The following MX1 variants were observed in gnomAD, a reference collection of about 807,000 sequenced individuals.
The protein encoded by MX1 is MX dynamin like GTPase 1, also known as interferon-induced GTP-binding protein Mx1.
A neutral mutation model predicts 66.4 loss-of-function variants in MX1; 66 were observed. The observed-to-expected ratio is 0.99, with a 90% CI of 0.82 to 1.22. MX1 has a LOEUF of 1.22. Among genes scored for constraint, MX1 ranks in the 50% most tolerant of loss-of-function variants. The probability of loss-of-function intolerance (pLI) is 0.00; values close to 1 mark genes in which losing one functional copy is unlikely to be tolerated. For synonymous variants in MX1, 311 were observed against 318.1 expected (o/e 0.98, Z 0.24); for missense variants, 787 against 834.3 (o/e 0.94, Z 0.70).
At chr21:41,424,823 G>A (rs2090031374), upstream of MX1, among the ~76,000 whole-genome samples, 2 of 152,228 alleles carry the variant, frequency 1.3e-5, 1 homozygote, top group South Asian at 4.1e-4. Context: ...GCCCAAAATG[G>A]CTGCCAACCC....
intron 13 of MX1, among the ~76,000 whole-genome samples, chr21:41,447,039 G>GTA (rs2090683139): frequency 1.3e-5 from 2 of 151,730 alleles, no homozygotes; most frequent in Non-Finnish European, 2.9e-5. Flanking sequence ...TGTGTGTAGC[G>GTA]GTTGGCTTTG....
At chr21:41,425,524 G>C (rs895758545), upstream of MX1, among the ~76,000 whole-genome samples, 1 of 152,224 alleles carries the variant, frequency 6.6e-6, no homozygotes, top group Non-Finnish European at 1.5e-5. Context: ...ATGTATACCT[G>C]CAAGTCACAG....
At chr21:41,440,418 G>A (rs1296814961) in intron 8 of MX1, among the ~76,000 whole-genome samples, 5 of 152,312 alleles carry the variant, frequency 3.3e-5, no homozygotes, top group East Asian at 3.9e-4. Flanking sequence ...CAGGGAGGCT[G>A]TGATGAGCCG....
intron 5 of MX1, 135 bp from the exon 6 acceptor site, chr21:41,435,702 C>G (rs555686900): frequency 2.6e-4 from 251 of 979,722 alleles, no homozygotes; most frequent in Non-Finnish European, 3.7e-4. Flanking sequence ...TTACCTCCAC[C>G]TGGTCTCTCC....
intron 15 of MX1, among the ~76,000 whole-genome samples, chr21:41,451,634 G>T (rs1386968974): frequency 6.6e-6 from 1 of 152,030 alleles, no homozygotes; most frequent in African/African-American, 2.4e-5. Context: ...AGGAGTTTGA[G>T]ACCAGCCTGG....
chr21:41,433,102 T>C (rs1235755789), intron 5 of MX1, among the ~76,000 whole-genome samples: 2 of 152,214 alleles, frequency 1.3e-5, no homozygotes, highest in African/African-American at 4.8e-5. Context: ...ACAGAGTGTG[T>C]CTCGTGATCT....
intron 16 of MX1, among the ~76,000 whole-genome samples, chr21:41,455,190 G>A (rs899051181): frequency 1.1e-4 from 16 of 152,118 alleles, no homozygotes; most frequent in African/African-American, 2.7e-4. Context: ...GATTACAGGC[G>A]TGAGCCACCA....
In MX1 at chr21:41,451,444, A is replaced by C. The variant is rs530894002; in HGVS notation, c.1509+201A>C. Among the ~76,000 whole-genome samples, 33 of 152,340 alleles carry C rather than the reference A, an allele frequency of 2.2e-4. No homozygotes were observed. The South Asian group carries it at 6.8e-3, about 32-fold the overall frequency. ...AATAAAGGAGGGAGTGCTTAAACGC[A>C]CAGAACAAGAGATCCACAGTTAGCG... On this transcript the variant is annotated intron_variant, in intron 15 of 16. Coordinates refer to ENST00000398598, the MANE Select transcript of MX1 (RefSeq NM_002462.5).
chr21:41,424,348 G>A (rs1337032166), upstream of MX1, among the ~76,000 whole-genome samples: 1 of 152,098 alleles, frequency 6.6e-6, no homozygotes, highest in African/African-American at 2.4e-5. Flanking sequence ...GGATGGGGTT[G>A]CCCAGCCCTA....
At position 41,451,400 on chromosome 21, in the gene MX1, G is replaced by A. The variant is rs558521300; in HGVS notation, c.1509+157G>A. 6.9e-4 allele frequency among the ~76,000 whole-genome samples: 105 copies of A among 152,296 alleles called. 1 individual carries two copies. The highest frequency in any genetic ancestry group is 2.5e-3 in the African/African-American group (102 of 41,564). ...ACTAGTGCTTCTTCTGATGTTACCG[G>A]TGATGTCTGGTTAAAAGCAATAAAG... On this transcript the variant is annotated intron_variant, in intron 15 of 16. Coordinates refer to ENST00000398598, the MANE Select transcript of MX1 (RefSeq NM_002462.5).
In MX1 at chr21:41,448,134, A is replaced by G. The variant is rs528696705; in HGVS notation, c.1274-1003A>G. Among the ~76,000 whole-genome samples, 43 of 152,354 alleles carry G rather than the reference A, an allele frequency of 2.8e-4. No individual in the cohort carries two copies. In the Middle Eastern group the frequency reaches 0.01, roughly 36 times the overall value. On this transcript the variant is annotated intron_variant, in intron 13 of 16. Transcript: ENST00000398598. ...TTCCTGACTAAAAAAAGTGTTCTAG[A>G]TTACCACTCAAAAAGGAACTCAAAC...
At chr21:41,452,944 GCT>G in intron 16 of MX1, 75 bp downstream of exon 16, 1 of 1,561,834 alleles carries the variant, frequency 6.4e-7, no homozygotes, top group East Asian at 2.2e-5. Context: ...CTTTAGTCTT[GCT>G]CTCTCTGTAG....
At chr21:41,448,926 GGTTTTGT>G (rs1355860109) in intron 13 of MX1, among the ~76,000 whole-genome samples, 47 of 142,944 alleles carry the variant, frequency 3.3e-4, no homozygotes, top group East Asian at 1.9e-3. Context: ...CTTCAGATCT[GGTTTTGT>G]GTGTGTGTGT....
At chr21:41,436,813 G>A (rs1006292099) in intron 6 of MX1, among the ~76,000 whole-genome samples, 5 of 152,154 alleles carry the variant, frequency 3.3e-5, no homozygotes, top group Non-Finnish European at 5.9e-5. Context: ...AACTCACCTG[G>A]GTTACATACT....
At chr21:41,423,355 G>GA (rs1227028366), upstream of MX1, 1 of 152,228 alleles carries the variant, frequency 6.6e-6, no homozygotes, top group Non-Finnish European at 1.5e-5. Context: ...TTAACAGAGT[G>GA]AAAACAGACG....
At chr21:41,453,075 G>A (rs1601538959) in intron 16 of MX1, among the ~76,000 whole-genome samples, 1 of 152,114 alleles carries the variant, frequency 6.6e-6, no homozygotes, top group South Asian at 2.1e-4. Flanking sequence ...GAGGTTTAAC[G>A]GACTTACAGT....
chr21:41,452,766 A>G lies in MX1; in HGVS notation c.1655A>G (p.Glu552Gly), dbSNP rs2090866244. Residue 552 changes from glutamate (E) to glycine (G), a missense_variant, in exon 16 of 17, where the codon GAA (glutamate) becomes GGA (glycine). Glu to Gly is a moderately conservative substitution (Grantham distance 98, BLOSUM62 -2). Coordinates refer to ENST00000398598, the MANE Select transcript of MX1 (RefSeq NM_002462.5). ...LQKVREKELE[E>G]EKKKKSWDFG... The stretch of plus-strand genomic sequence containing the variant: ...AAGGTCAGAGAGAAGGAGCTGGAAG[A>G]AGAAAAGAAGAAGAAATCCTGGGAT... 6.2e-7 allele frequency: 1 copy of G among 1,614,172 alleles called. No homozygotes were observed. The highest frequency in any genetic ancestry group is 8.5e-7 in the Non-Finnish European group (1 of 1,180,030).
chr21:41,436,060 C>T, intron 6 of MX1, 31 bp downstream of exon 6: 1 of 1,601,660 alleles, frequency 6.2e-7, no homozygotes, highest in South Asian at 1.1e-5. Context: ...TTAGTCTGCT[C>T]AGGCTGCCAT....
intron 6 of MX1, among the ~76,000 whole-genome samples, chr21:41,436,797 A>T (rs1482046224): frequency 6.6e-6 from 1 of 152,198 alleles, no homozygotes; most frequent in Non-Finnish European, 1.5e-5. Context: ...AGCGTTAGTA[A>T]GCAAAAACTC....
Sources: gnomAD v4.1 joint callset for allele counts (sites outside exome capture counted in the v4.1 genomes callset) on GRCh38, gnomAD v4.1.1 for gene constraint, MANE v1.5 for transcripts, NCBI Gene and HGNC (gene_info 2026-07-23, HGNC 2026-07-21) for gene names.